The following SORCS3 variants were observed in gnomAD, a reference collection of about 807,000 sequenced individuals.
SORCS3 encodes VPS10 domain-containing receptor SorCS3.
A neutral mutation model predicts 146.3 loss-of-function variants in SORCS3; 57 were observed. The observed-to-expected ratio is 0.39, with a 90% CI of 0.31 to 0.49. The LOEUF (loss-of-function observed/expected upper bound fraction) is 0.49, where lower values mean the gene tolerates loss of function less well. Among genes scored for constraint, SORCS3 ranks in the 20% least tolerant of loss-of-function variants. The pLI is 0.92. For missense variants in SORCS3, 1,341 were observed against 1,575.5 expected (o/e 0.85, Z 2.52); for synonymous variants, 653 against 618.5 (o/e 1.06, Z -0.83).
intron 21 of SORCS3, among the ~76,000 whole-genome samples, chr10:105,246,167 G>A (rs2056865174): frequency 6.6e-6 from 1 of 152,118 alleles, no homozygotes; most frequent in Non-Finnish European, 1.5e-5. Context: ...GTTAGGACTA[G>A]GGCAGAAGAG....
rs76839553 is a variant in SORCS3, at chr10:105,162,636, A to G, written c.1733-1667A>G. Among the ~76,000 whole-genome samples, 54 of 152,278 alleles carry G rather than the reference A, an allele frequency of 3.5e-4. 3 individuals are homozygous for G. In the East Asian group the frequency reaches 0.01, roughly 29 times the overall value. ...CAGAGGTCTCTTCAATTGACAGAAG[A>G]TATTTCCACAAATAGAGTTCACTGT... On this transcript the variant is annotated intron_variant, in intron 11 of 26. Coordinates refer to ENST00000369701, the MANE Select transcript of SORCS3 (RefSeq NM_014978.3).
chr10:105,089,537 A>T lies in SORCS3; in HGVS notation c.1029-238A>T, dbSNP rs564723293. Among the ~76,000 whole-genome samples, 326 of 152,310 alleles carry T rather than the reference A, an allele frequency of 2.1e-3. 1 individual carries two copies. Among genetic ancestry groups the T allele is most frequent in the Non-Finnish European group, 4.1e-3 (278 of 68,030 alleles). On this transcript the variant is annotated intron_variant, in intron 5 of 26. Coordinates refer to ENST00000369701, the MANE Select transcript of SORCS3 (RefSeq NM_014978.3). ...TCTGTATTCTTCTCTATTTTCTTTG[A>T]ATCGTTGACTTATTGACCATTCAGT...
chr10:105,214,365 A>AACACACAC (rs34307677), intron 17 of SORCS3, 77 bp from the exon 18 acceptor site: 18,877 of 1,432,358 alleles, frequency 0.013, 75 homozygotes, highest in Middle Eastern at 0.037. Context: ...TTCCCTTTAT[A>AACACACAC]ACACACACAC....
chr10:105,067,661 C>G (rs2133723349), intron 5 of SORCS3, among the ~76,000 whole-genome samples: 1 of 152,186 alleles, frequency 6.6e-6, no homozygotes, highest in East Asian at 1.9e-4. Context: ...ACCTTTAAAC[C>G]CACTCCCATC....
intron 1 of SORCS3, among the ~76,000 whole-genome samples, chr10:104,715,880 A>G (rs1474985003): frequency 1.3e-5 from 2 of 152,160 alleles, no homozygotes; most frequent in African/African-American, 4.8e-5. Flanking sequence ...TCTTACACAC[A>G]GGTCAGGCCA....
rs2990519 is a variant in SORCS3, at chr10:105,226,137, T to C, written c.2868+2888T>C. Among the ~76,000 whole-genome samples, 1,516 of 152,048 alleles carry C rather than the reference T, an allele frequency of 1.0e-2. 31 individuals are homozygous for C. Among genetic ancestry groups the C allele is most frequent in the African/African-American group, 0.035 (1,450 of 41,526 alleles). ...AATGGGCATCCTTATCTTCTTGTTCTAGGCTTTAAAGGAAAGGCTTTCAAC... is the reference window on the plus strand; with the variant it reads ...AATGGGCATCCTTATCTTCTTGTTCCAGGCTTTAAAGGAAAGGCTTTCAAC... On this transcript the variant is annotated intron_variant, in intron 20 of 26. Coordinates refer to ENST00000369701, the MANE Select transcript of SORCS3 (RefSeq NM_014978.3).
At chr10:105,200,972 T>C (rs2056571116) in intron 15 of SORCS3, 148 bp from the exon 16 acceptor site, 5 of 871,416 alleles carry the variant, frequency 5.7e-6, no homozygotes, top group Non-Finnish European at 8.4e-6. Context: ...ACTTTTATTC[T>C]TGAAACTCCT....
chr10:105,214,291 T>A, intron 17 of SORCS3, 151 bp from the exon 18 acceptor site: 1 of 772,180 alleles, frequency 1.3e-6, no homozygotes, highest in Non-Finnish European at 2.2e-6. Context: ...AATGACTGTC[T>A]TTTTGAGACT....
intron 3 of SORCS3, among the ~76,000 whole-genome samples, chr10:104,923,817 C>T (rs1205270170): frequency 6.6e-6 from 1 of 152,160 alleles, no homozygotes; most frequent in Non-Finnish European, 1.5e-5. Flanking sequence ...GCAAAGAAGT[C>T]TCTGTTAGTG....
At chr10:104,984,184 A>G (rs1262981791) in intron 4 of SORCS3, among the ~76,000 whole-genome samples, 1 of 152,206 alleles carries the variant, frequency 6.6e-6, no homozygotes, top group Admixed American at 6.5e-5. Context: ...GGAGGTAAAC[A>G]ATAGAGAAGA....
chr10:105,176,342 G>C (rs1030990728), intron 13 of SORCS3, among the ~76,000 whole-genome samples: 2 of 151,768 alleles, frequency 1.3e-5, no homozygotes, highest in Non-Finnish European at 2.9e-5. Context: ...CCAGGAGGTT[G>C]AGACCAGCCT....
chr10:104,829,197 G>T (rs1390871918), intron 1 of SORCS3, among the ~76,000 whole-genome samples: 1 of 152,212 alleles, frequency 6.6e-6, no homozygotes, highest in Non-Finnish European at 1.5e-5. Flanking sequence ...GAAAATCAGG[G>T]TTCCTGTCCT....
At chr10:104,832,698 A>G (rs997469390) in intron 1 of SORCS3, among the ~76,000 whole-genome samples, 1 of 151,960 alleles carries the variant, frequency 6.6e-6, no homozygotes, top group African/African-American at 2.4e-5. Flanking sequence ...AGCCTCGGCA[A>G]CGAGAGTGAA....
At position 105,207,272 on chromosome 10, in the gene SORCS3, TTTATTATTA is replaced by T. The variant is rs6144063; in HGVS notation, c.2262-3841_2262-3833del. On this transcript the variant is annotated intron_variant, in intron 16 of 26. Transcript: ENST00000369701. ...CCCTTCCTATTTTGGCATGCAGAGG[TTTATTATTA>T]TTATTATTATTATTATTATTATTTC... Among the ~76,000 whole-genome samples the T allele has an allele frequency of 3.5e-3, 512 of 147,172 alleles. 3 individuals are homozygous for T. The highest frequency in any genetic ancestry group is 0.012 in the African/African-American group (467 of 40,118).
At chr10:104,802,322 A>G (rs2017632607) in intron 1 of SORCS3, among the ~76,000 whole-genome samples, 1 of 152,230 alleles carries the variant, frequency 6.6e-6, no homozygotes, top group South Asian at 2.1e-4. Flanking sequence ...AAGCAGCCAC[A>G]ACAAAGATGA....
chr10:104,715,697 G>A (rs898045617), intron 1 of SORCS3, among the ~76,000 whole-genome samples: 10 of 152,156 alleles, frequency 6.6e-5, no homozygotes, highest in African/African-American at 2.2e-4. Context: ...ATTTTAAAAT[G>A]TATGGAACAT....
intron 1 of SORCS3, among the ~76,000 whole-genome samples, chr10:104,835,475 A>G (rs564909773): frequency 9.2e-5 from 14 of 152,342 alleles, no homozygotes; most frequent in African/African-American, 3.1e-4. Context: ...GATTTTAGGA[A>G]GGTTTAATGA....
At chr10:104,978,610 GGATCTAATACCTTTTTATTC>G (rs1334010276) in intron 4 of SORCS3, among the ~76,000 whole-genome samples, 1 of 152,006 alleles carries the variant, frequency 6.6e-6, no homozygotes, top group East Asian at 1.9e-4. Context: ...ATCAATCATG[GGATCTAATACCTTTTTATTC>G]CATCCACTTC....
intron 4 of SORCS3, among the ~76,000 whole-genome samples, chr10:104,984,082 C>G (rs141596128): frequency 2.0e-5 from 3 of 152,094 alleles, no homozygotes. Context: ...AGCCACTCTC[C>G]GTCAAGGTCA....
Sources: allele counts gnomAD v4.1 joint callset (sites outside exome capture counted in the v4.1 genomes callset), GRCh38; gene constraint gnomAD v4.1.1; transcripts MANE v1.5; gene names NCBI Gene and HGNC (gene_info 2026-07-23, HGNC 2026-07-21).